Variants in SPARCL1 observed in about 807,000 individuals in gnomAD.
The protein encoded by SPARCL1 is SPARC like 1.
SPARCL1 carries 52 observed loss-of-function variants against 67.1 expected under a neutral mutation model. The ratio of observed to expected loss-of-function variants is 0.78; its 90% CI spans 0.62 to 0.98. The LOEUF is 0.98. SPARCL1 is among the 50% of genes least tolerant of loss of function. SPARCL1 has a pLI of 0.00. For missense variants in SPARCL1, 717 were observed against 782.4 expected (o/e 0.92, Z 1.00); for synonymous variants, 226 against 267.8 (o/e 0.84, Z 1.52).
chr4:87,525,001 A>G (rs1725982546), intron 1 of SPARCL1, among the ~76,000 whole-genome samples: 1 of 151,966 alleles, frequency 6.6e-6, no homozygotes, highest in Non-Finnish European at 1.5e-5. Flanking sequence ...CATCTCTACT[A>G]AAACAACAAA....
At chr4:87,517,802 T>C (rs972429083) in intron 1 of SPARCL1, among the ~76,000 whole-genome samples, 1 of 152,176 alleles carries the variant, frequency 6.6e-6, no homozygotes, top group Non-Finnish European at 1.5e-5. Context: ...GAATTATTTA[T>C]TGGGGGGTAG....
At chr4:87,526,395 T>C (rs1726044243) in intron 1 of SPARCL1, among the ~76,000 whole-genome samples, 1 of 152,260 alleles carries the variant, frequency 6.6e-6, no homozygotes, top group Admixed American at 6.5e-5. Flanking sequence ...GCCTCACTGA[T>C]ATACGAGATT....
At chr4:87,489,993 T>C (rs2110223528) in intron 7 of SPARCL1, among the ~76,000 whole-genome samples, 1 of 152,310 alleles carries the variant, frequency 6.6e-6, no homozygotes, top group Admixed American at 6.5e-5. Flanking sequence ...GATAGCATTA[T>C]CATAGTGGTT....
intron 1 of SPARCL1, among the ~76,000 whole-genome samples, chr4:87,519,012 T>G (rs1277151899): frequency 6.6e-6 from 1 of 151,962 alleles, no homozygotes; most frequent in Non-Finnish European, 1.5e-5. Flanking sequence ...TATTTACCTA[T>G]CATAAAGGTC....
At chr4:87,496,897 A>G (rs940931301) in intron 2 of SPARCL1, among the ~76,000 whole-genome samples, 1 of 152,090 alleles carries the variant, frequency 6.6e-6, no homozygotes, top group African/African-American at 2.4e-5. Flanking sequence ...TTTTTGAGAC[A>G]GAGTCTCACT....
rs140130359 is a variant in SPARCL1 at position 87,494,385 on chromosome 4, C to T, written c.415G>A (p.Asp139Asn). ...GAACTAACACCAGGAGCCAAAAAATCAGTGTTCTCTGAGAGTTTTTTCTCC... is the reference window on the plus strand; with the variant it reads ...GAACTAACACCAGGAGCCAAAAAATTAGTGTTCTCTGAGAGTTTTTTCTCC... ...PQEKKLSENT[D>N]FLAPGVSSFT... The change falls in exon 4 of 11, where the codon GAT (aspartate) becomes AAT (asparagine). Residue 139 changes from aspartate to asparagine, a missense_variant. Coordinates refer to ENST00000282470, the MANE Select transcript of SPARCL1 (RefSeq NM_004684.6). 8.6e-5 allele frequency: 139 copies of T among 1,614,022 alleles called. No homozygotes were observed. The highest frequency in any genetic ancestry group is 1.1e-4 in the Non-Finnish European group (130 of 1,180,032).
intron 1 of SPARCL1, among the ~76,000 whole-genome samples, chr4:87,504,289 C>CATGTA (rs1321832173): frequency 6.6e-6 from 1 of 151,840 alleles, no homozygotes; most frequent in Non-Finnish European, 1.5e-5. Flanking sequence ...ATGAAAAGGA[C>CATGTA]ATGTACTTGG....
intron 1 of SPARCL1, among the ~76,000 whole-genome samples, chr4:87,507,301 T>C (rs1725123712): frequency 6.6e-6 from 1 of 152,248 alleles, no homozygotes; most frequent in Non-Finnish European, 1.5e-5. Flanking sequence ...GCAACATGCA[T>C]AACTAATTAA....
chr4:87,527,825 C>T (rs1254933811), intron 1 of SPARCL1, among the ~76,000 whole-genome samples: 4 of 151,604 alleles, frequency 2.6e-5, no homozygotes, highest in African/African-American at 7.3e-5. Flanking sequence ...ATTAAATGAA[C>T]AGAAATATTA....
Position 87,480,357 on chromosome 4 carries a change from G to C in SPARCL1, c.1817+15C>G, listed in dbSNP as rs1461853333. ...GAGAGATAAATCTAGAAATGGAAAG[G>C]TAAAGAGTTCTTACCTATCCATAGG... On this transcript the variant is annotated intron_variant, in intron 9 of 10. Transcript: ENST00000282470. The C allele has an allele frequency of 1.3e-6, 2 of 1,552,342 alleles. No individual in the cohort carries two copies. The highest frequency in any genetic ancestry group is 1.7e-6 in the Non-Finnish European group (2 of 1,151,446).
In SPARCL1 at chr4:87,494,931, A is replaced by G. The variant is rs1272157002; in HGVS notation, c.201+50T>C. On this transcript the variant is annotated intron_variant, in intron 3 of 10. Coordinates refer to ENST00000282470, the MANE Select transcript of SPARCL1 (RefSeq NM_004684.6). ...TCTTTTACCATGCTTTGAAACTAAGACCTTTGGAGAATTAAAAAATTGTAT... is the reference window on the plus strand; with the variant it reads ...TCTTTTACCATGCTTTGAAACTAAGGCCTTTGGAGAATTAAAAAATTGTAT... 2.0e-6 allele frequency: 3 copies of G among 1,476,742 alleles called. No individual in the cohort carries two copies. The Admixed American group carries it at 6.6e-5, about 32-fold the overall frequency. The allele number at this position is 1,476,742 out of a possible 1,614,324, so 91.5% of individuals were successfully genotyped here. A position where few individuals can be genotyped will look rare whatever the true frequency, so the allele number is the denominator to read the frequency against.
intron 2 of SPARCL1, 108 bp downstream of exon 2, chr4:87,499,412 TA>T: frequency 1.1e-6 from 1 of 928,960 alleles, no homozygotes; most frequent in Non-Finnish European, 1.7e-6. Flanking sequence ...ATAATTAAAA[TA>T]AAAAGAGAAT....
chr4:87,524,653 A>G (rs1013560837), intron 1 of SPARCL1, among the ~76,000 whole-genome samples: 5 of 152,132 alleles, frequency 3.3e-5, no homozygotes, highest in Non-Finnish European at 7.3e-5. Context: ...TAAGTCAGTT[A>G]GTGAGATGGA....
chr4:87,486,633 TTGA>T (rs1301875301), intron 7 of SPARCL1, among the ~76,000 whole-genome samples: 3 of 152,094 alleles, frequency 2.0e-5, no homozygotes, highest in Non-Finnish European at 4.4e-5. Flanking sequence ...TTCTGTCTTG[TTGA>T]TCTGTCTAAT....
chr4:87,479,625 G>T lies in SPARCL1; in HGVS notation c.1818-47C>A, dbSNP rs1286152460. 2.5e-6 allele frequency: 4 copies of T among 1,593,222 alleles called. No homozygotes were observed. In the South Asian group the frequency reaches 4.5e-5, roughly 18 times the overall value. ...CCTATTAATTGAGTAGCTTGTGCAT[G>T]AAGATTTAACTCTCAGGCTCACCAA... On this transcript the variant is annotated intron_variant, in intron 9 of 10. Coordinates refer to ENST00000282470, the MANE Select transcript of SPARCL1 (RefSeq NM_004684.6).
In SPARCL1 at chr4:87,493,529, G is replaced by A. The variant is rs1724441019; in HGVS notation, c.1218+53C>T. On this transcript the variant is annotated intron_variant, in intron 4 of 10. Coordinates refer to ENST00000282470, the MANE Select transcript of SPARCL1 (RefSeq NM_004684.6). Reference sequence around the variant, plus strand: ...GAGAGCACAGAGAAAGGTCATGACTGTTTATTGATAATGCTGGCTTTATTG... The same window carrying A: ...GAGAGCACAGAGAAAGGTCATGACTATTTATTGATAATGCTGGCTTTATTG... 3 of 1,508,370 alleles carry A rather than the reference G, an allele frequency of 2.0e-6. No homozygotes were observed. In the South Asian group the frequency reaches 3.8e-5, roughly 19 times the overall value. The allele number at this position is 1,508,370 out of a possible 1,614,324, so 93.4% of individuals were successfully genotyped here.
rs147058925 is a variant in SPARCL1, at chr4:87,496,883, C to T, written c.55-1756G>A. Among the ~76,000 whole-genome samples, 342 of 151,834 alleles carry T rather than the reference C, an allele frequency of 2.3e-3. 1 individual carries two copies. The highest frequency in any genetic ancestry group is 0.011 in the South Asian group (55 of 4,804). ...ACAGGATTTATTTTTTATTTTTAAA[C>T]TTTTTTTTGAGACAGAGTCTCACTC... On this transcript the variant is annotated intron_variant, in intron 2 of 10. Transcript: ENST00000282470.
rs867605272 is a variant in SPARCL1, at chr4:87,522,673, A to G, written c.-12+6372T>C. On this transcript the variant is annotated intron_variant, in intron 1 of 10. Transcript: ENST00000282470. ...CACACACACACACACACACACACAC[A>G]CACACACACGCACACACACAGAGTT... Among the ~76,000 whole-genome samples the G allele has an allele frequency of 2.1e-3, 308 of 144,544 alleles. 2 individuals carry two copies. The highest frequency in any genetic ancestry group is 7.7e-3 in the African/African-American group (295 of 38,298). 94.8% of individuals were successfully genotyped at this position (144,544 alleles called of 152,430 possible). A position where few individuals can be genotyped will look rare whatever the true frequency, so the allele number is the denominator to read the frequency against.
At chr4:87,503,682 C>CTTTTT (rs375553104) in intron 1 of SPARCL1, among the ~76,000 whole-genome samples, 10 of 132,254 alleles carry the variant, frequency 7.6e-5, no homozygotes, top group Admixed American at 5.2e-4. Context: ...TTTTTTTTTT[C>CTTTTT]CTTTTTTTTT....
Sources: allele counts gnomAD v4.1 joint callset (sites outside exome capture counted in the v4.1 genomes callset), GRCh38; gene constraint gnomAD v4.1.1; transcripts MANE v1.5; gene names NCBI Gene and HGNC (gene_info 2026-07-23, HGNC 2026-07-21).